NLGN1: variants seen among roughly 807,000 people sequenced by gnomAD.
NLGN1 encodes the protein neuroligin-1.
A neutral mutation model predicts 65.5 loss-of-function variants in NLGN1; 12 were observed. That is an observed-to-expected ratio of 0.18 (90% CI 0.12 to 0.30). The LOEUF is 0.30. Among genes scored for constraint, NLGN1 ranks in the 10% least tolerant of loss-of-function variants. NLGN1 has a pLI of 1.00. For missense variants in NLGN1, 750 were observed against 1,007.1 expected (o/e 0.74, Z 3.46); for synonymous variants, 350 against 359.5 (o/e 0.97, Z 0.30).
intron 3 of NLGN1, among the ~76,000 whole-genome samples, chr3:173,742,353 G>C (rs1454701239): frequency 3.3e-5 from 5 of 151,930 alleles, no homozygotes; most frequent in African/African-American, 1.2e-4. Context: ...TTTTCTGTTT[G>C]CCCCAATTGA....
Position 173,827,473 on chromosome 3 carries a change from A to G in NLGN1, c.646+19641A>G, listed in dbSNP as rs144469755. The stretch of plus-strand genomic sequence containing the variant: ...GCCAAGAAGTGTGGAGGGTCAGTAC[A>G]TGCAGAAAATATTTAGCAGCACATC... On this transcript the variant is annotated intron_variant, in intron 4 of 6. Transcript: ENST00000457714. Among the ~76,000 whole-genome samples, 5 of 152,112 alleles carry G rather than the reference A, an allele frequency of 3.3e-5. No individual in the cohort carries two copies. In the East Asian group the frequency reaches 7.8e-4, roughly 24 times the overall value.
intron 4 of NLGN1, among the ~76,000 whole-genome samples, chr3:173,962,996 G>A (rs1412792161): frequency 6.6e-6 from 1 of 152,084 alleles, no homozygotes. Context: ...TGTAGTTATG[G>A]TCGAGTTGCA....
At chr3:173,910,719 A>T (rs558285357) in intron 4 of NLGN1, 73 of 152,358 alleles carry the variant, frequency 4.8e-4, no homozygotes, top group African/African-American at 1.7e-3. Context: ...AAAGAGAAAC[A>T]AAATTATTTT....
intron 2 of NLGN1, among the ~76,000 whole-genome samples, chr3:173,486,292 C>T (rs912469189): frequency 1.3e-5 from 2 of 152,158 alleles, no homozygotes; most frequent in African/African-American, 4.8e-5. Flanking sequence ...GAACTCCTGG[C>T]CTCAAGGGAT....
chr3:173,679,679 G>A (rs1344345125), intron 3 of NLGN1, among the ~76,000 whole-genome samples: 1 of 152,084 alleles, frequency 6.6e-6, no homozygotes, highest in Non-Finnish European at 1.5e-5. Context: ...AATAATATTG[G>A]TCTCAGGAAG....
chr3:173,443,191 ATC>A (rs1327652239), intron 2 of NLGN1, among the ~76,000 whole-genome samples: 4 of 151,640 alleles, frequency 2.6e-5, no homozygotes, highest in African/African-American at 4.8e-5. Context: ...GTAACCTATG[ATC>A]ATGTCACTGC....
At chr3:174,144,854 G>T (rs1722918664) in intron 4 of NLGN1, among the ~76,000 whole-genome samples, 1 of 152,076 alleles carries the variant, frequency 6.6e-6, no homozygotes, top group South Asian at 2.1e-4. Context: ...TATGTAGGTG[G>T]CTGTTCACTC....
chr3:173,479,813 T>C (rs1421708139), intron 2 of NLGN1, among the ~76,000 whole-genome samples: 1 of 152,130 alleles, frequency 6.6e-6, no homozygotes, highest in African/African-American at 2.4e-5. Flanking sequence ...AAAAAATTGG[T>C]ATAATTTGAG....
At position 173,522,197 on chromosome 3, in the gene NLGN1, C is replaced by T. The variant is rs536711957; in HGVS notation, c.-320-82082C>T. On this transcript the variant is annotated intron_variant, in intron 2 of 6. Transcript: ENST00000457714. ...CCTCCCACTTGTAGATGAGAACATG[C>T]GTTATACATTGATTCTTTTGTCTAT... Among the ~76,000 whole-genome samples, 7 of 152,278 alleles carry T rather than the reference C, an allele frequency of 4.6e-5. No individual in the cohort carries two copies. In the South Asian group the frequency reaches 1.2e-3, roughly 27 times the overall value.
intron 4 of NLGN1, among the ~76,000 whole-genome samples, chr3:173,898,271 A>C (rs930626502): frequency 6.6e-6 from 1 of 152,356 alleles, no homozygotes; most frequent in Non-Finnish European, 1.5e-5. Flanking sequence ...TACAGAAAGT[A>C]AACATAGGAA....
At chr3:173,911,266 A>G (rs1739530833) in intron 4 of NLGN1, among the ~76,000 whole-genome samples, 1 of 152,222 alleles carries the variant, frequency 6.6e-6, no homozygotes, top group Admixed American at 6.5e-5. Context: ...TAAATTTAGT[A>G]GTTTATCTCA....
At chr3:174,001,501 C>T (rs544991317) in intron 4 of NLGN1, among the ~76,000 whole-genome samples, 1 of 152,228 alleles carries the variant, frequency 6.6e-6, no homozygotes, top group South Asian at 2.1e-4. Context: ...TGCTTGCAGT[C>T]TTGAGAAAAG....
In NLGN1 at chr3:174,280,682, T is replaced by A; in HGVS notation, c.1851T>A (p.Asn617Lys). ...TGGTACCTCATCTGCATAATCTCAA[T>A]GACATTTCTCAGTATACCTCTACAA... The change falls in exon 7 of 7, where the codon AAT becomes AAA. Residue 617 changes from asparagine (N) to lysine (K), a missense_variant. Coordinates refer to ENST00000457714, the Ensembl canonical transcript of NLGN1. This position sits in a 1 kb window ranked among gnomAD's most constrained non-coding sequence, Gnocchi z 4.9. The A allele has an allele frequency of 2.5e-6, 4 of 1,613,324 alleles. No individual in the cohort carries two copies. Among genetic ancestry groups the A allele is most frequent in the Non-Finnish European group, 2.5e-6 (3 of 1,179,520 alleles).
chr3:173,948,991 A>T (rs936924697), intron 4 of NLGN1, among the ~76,000 whole-genome samples: 7 of 152,086 alleles, frequency 4.6e-5, no homozygotes, highest in Non-Finnish European at 1.0e-4. Flanking sequence ...TCCTCAAAAA[A>T]GTTTGCCCTA....
At chr3:173,485,376 TTTAA>T (rs1185180627) in intron 2 of NLGN1, among the ~76,000 whole-genome samples, 2 of 152,148 alleles carry the variant, frequency 1.3e-5, no homozygotes, top group African/African-American at 4.8e-5. Flanking sequence ...AGCATAATAA[TTTAA>T]TTAATAATCC....
At chr3:173,905,631 A>G (rs1170002141) in intron 4 of NLGN1, among the ~76,000 whole-genome samples, 4 of 152,210 alleles carry the variant, frequency 2.6e-5, no homozygotes, top group African/African-American at 9.6e-5. Context: ...GCCAGGGACA[A>G]TGGATGTGAT....
At chr3:174,102,175 G>A (rs1363445621) in intron 4 of NLGN1, among the ~76,000 whole-genome samples, 4 of 152,148 alleles carry the variant, frequency 2.6e-5, no homozygotes, top group African/African-American at 9.7e-5. Flanking sequence ...TGCTGAATGT[G>A]ATTTCTCTTA....
chr3:173,800,479 G>A (rs1715223096), intron 3 of NLGN1: 2 of 219,818 alleles, frequency 9.1e-6, no homozygotes, highest in Admixed American at 1.1e-4. Context: ...GATGTGTTTT[G>A]TCTTCTTGCT....
At chr3:174,260,000 C>T (rs1468396439) in intron 4 of NLGN1, among the ~76,000 whole-genome samples, 1 of 152,090 alleles carries the variant, frequency 6.6e-6, no homozygotes, top group African/African-American at 2.4e-5. Context: ...CATGTCCCTA[C>T]AAAGGACAAG....
Sources: allele counts gnomAD v4.1 joint callset (sites outside exome capture counted in the v4.1 genomes callset), GRCh38; gene constraint gnomAD v4.1.1; non-coding constraint Gnocchi (gnomAD v3.1); transcripts MANE v1.5; gene names NCBI Gene and HGNC (gene_info 2026-07-23, HGNC 2026-07-21).